The following CYB5RL variants were observed in gnomAD, a reference collection of about 807,000 sequenced individuals.
CYB5RL encodes the protein NADH-cytochrome b5 reductase-like.
Under a neutral mutation model 37.5 loss-of-function variants are expected in CYB5RL, and 38 were observed. That is an observed-to-expected ratio of 1.01 (90% CI 0.78 to 1.33). The LOEUF (loss-of-function observed/expected upper bound fraction) is 1.33, where lower values mean the gene tolerates loss of function less well. Among genes scored for constraint, CYB5RL ranks in the 40% most tolerant of loss-of-function variants. CYB5RL has a pLI of 0.00. For synonymous variants in CYB5RL, 141 were observed against 151.9 expected (o/e 0.93, Z 0.53); for missense variants, 388 against 394.4 (o/e 0.98, Z 0.14).
intron 3 of CYB5RL, among the ~76,000 whole-genome samples, chr1:54,191,510 G>T (rs1643954225): frequency 6.6e-6 from 1 of 152,174 alleles, no homozygotes; most frequent in East Asian, 1.9e-4. Flanking sequence ...TCATGTCTAA[G>T]TCTCAGCCCA....
At chr1:54,197,622 T>C (rs1644020972) in intron 1 of CYB5RL, among the ~76,000 whole-genome samples, 2 of 152,192 alleles carry the variant, frequency 1.3e-5, no homozygotes, top group African/African-American at 2.4e-5. Context: ...TACGTCTACA[T>C]GTAGCATATA....
At chr1:54,181,498 CG>C (rs1557720120) in intron 6 of CYB5RL, among the ~76,000 whole-genome samples, 1 of 152,232 alleles carries the variant, frequency 6.6e-6, no homozygotes, top group Admixed American at 6.5e-5. Flanking sequence ...GTAACGAAGA[CG>C]ACTGCAGAGC....
chr1:54,188,563 G>C (rs1001069829), intron 4 of CYB5RL, among the ~76,000 whole-genome samples: 1 of 152,198 alleles, frequency 6.6e-6, no homozygotes, highest in African/African-American at 2.4e-5. Context: ...ACCACCATGA[G>C]TCACAGTAAT....
intron 6 of CYB5RL, chr1:54,180,278 C>T (rs1265438661): frequency 1.0e-5 from 4 of 390,228 alleles, no homozygotes; most frequent in African/African-American, 4.3e-5. Flanking sequence ...CAGGAGGTCC[C>T]AGTTCCATCA....
Position 54,174,592 on chromosome 1 carries a change from G to T in CYB5RL, c.*27C>A. 1 of 1,586,486 alleles carries T rather than the reference G, an allele frequency of 6.3e-7. No individual in the cohort carries two copies. The highest frequency in any genetic ancestry group is 8.6e-7 in the Non-Finnish European group (1 of 1,167,256). On this transcript the variant is annotated 3_prime_UTR_variant, in exon 8 of 8. Coordinates refer to ENST00000534324, the MANE Select transcript of CYB5RL (RefSeq NM_001031672.4). ...CCTGGGTCCCAGTAGCAGGCTCATG[G>T]CCTAGGCTTTGGAAGAGAGGCCAGG...
rs1659969459 is a variant in CYB5RL, at chr1:54,174,512, G to A, written c.*107C>T. On this transcript the variant is annotated 3_prime_UTR_variant, in exon 8 of 8. Coordinates refer to ENST00000534324, the MANE Select transcript of CYB5RL (RefSeq NM_001031672.4). ...ACTTGCCCAAGGTCACCTGGCAAAT[G>A]AGCAGCAGGACCAGGCCTGGACTCC... is the stretch of plus-strand genomic sequence containing the variant. 4 of 1,341,420 alleles carry A rather than the reference G, an allele frequency of 3.0e-6. No homozygotes were observed. The highest frequency in any genetic ancestry group is 3.1e-6 in the Non-Finnish European group (3 of 965,258). The allele number at this position is 1,341,420 out of a possible 1,614,324, so 83.1% of individuals were successfully genotyped here.
intron 4 of CYB5RL, among the ~76,000 whole-genome samples, chr1:54,189,166 G>GC (rs1643927474): frequency 6.6e-6 from 1 of 151,010 alleles, no homozygotes; most frequent in Admixed American, 6.7e-5. Context: ...CTGGGTGACA[G>GC]AGTGAGACTC....
intron 7 of CYB5RL, 135 bp downstream of exon 7, chr1:54,179,014 G>A (rs1292179238): frequency 2.0e-5 from 20 of 998,702 alleles, no homozygotes; most frequent in Admixed American, 1.3e-4. Context: ...CTTCCATACA[G>A]GTGGGTGCTC....
chr1:54,172,714 C>G lies in CYB5RL; in HGVS notation c.*1905G>C, dbSNP rs984906489. The G allele has an allele frequency of 1.3e-5, 2 of 152,276 alleles. No individual in the cohort carries two copies. The highest frequency in any genetic ancestry group is 2.9e-5 in the Non-Finnish European group (2 of 68,086). 9.4% of individuals were successfully genotyped at this position (152,276 alleles called of 1,614,324 possible). Reference sequence around the variant, plus strand: ...GCATCTGCCTGGTGTGCTGTTGTTTCCCTGGTGTCTGAACAGAGTCAGGCT... The same window carrying G: ...GCATCTGCCTGGTGTGCTGTTGTTTGCCTGGTGTCTGAACAGAGTCAGGCT... On this transcript the variant is annotated 3_prime_UTR_variant, in exon 8 of 8. Transcript: ENST00000534324.
At chr1:54,199,874 G>A (rs1644060170) in intron 1 of CYB5RL, 102 bp downstream of exon 1, 4 of 229,540 alleles carry the variant, frequency 1.7e-5, no homozygotes, top group Non-Finnish European at 3.4e-5. Context: ...GCCTCAGAAA[G>A]GGAAGTGCCT....
intron 6 of CYB5RL, among the ~76,000 whole-genome samples, chr1:54,182,119 C>T (rs1243623465): frequency 1.3e-5 from 2 of 152,234 alleles, no homozygotes; most frequent in Admixed American, 6.5e-5. Flanking sequence ...CCATTCCCTG[C>T]TCTCAAGCAT....
At chr1:54,194,348 C>T (rs1643986056) in intron 3 of CYB5RL, among the ~76,000 whole-genome samples, 1 of 147,986 alleles carries the variant, frequency 6.8e-6, no homozygotes, top group Non-Finnish European at 1.5e-5. Flanking sequence ...CCAGCCTGGG[C>T]AACAAGAGCA....
chr1:54,187,799 G>A (rs1643916096), intron 4 of CYB5RL, 60 bp from the exon 5 acceptor site: 4 of 1,457,136 alleles, frequency 2.7e-6, no homozygotes, highest in Non-Finnish European at 3.9e-6. Flanking sequence ...TTTAAGGCTG[G>A]GCACGGTGGC....
Position 54,171,664 on chromosome 1 carries a change from C to A in CYB5RL, c.*2955G>T, listed in dbSNP as rs1364848138. The A allele has an allele frequency of 5.7e-6, 2 of 348,952 alleles. No individual in the cohort carries two copies. The highest frequency in any genetic ancestry group is 7.4e-5 in the East Asian group (1 of 13,504). The allele number at this position is 348,952 out of a possible 1,614,324, so 21.6% of individuals were successfully genotyped here. On this transcript the variant is annotated 3_prime_UTR_variant, in exon 8 of 8. Coordinates refer to ENST00000534324, the MANE Select transcript of CYB5RL (RefSeq NM_001031672.4). ...CACCTGGTTGACCTCTTGATGCCTG[C>A]GTATCATGTCTAGCTCCTAAGTCTC...
intron 3 of CYB5RL, among the ~76,000 whole-genome samples, chr1:54,195,105 A>C (rs79470361): frequency 0.019 from 2,893 of 152,294 alleles, 103 homozygotes; most frequent in African/African-American, 0.066. Flanking sequence ...ACTATTTCAC[A>C]GGGCCTGGTA....
intron 7 of CYB5RL, among the ~76,000 whole-genome samples, chr1:54,176,139 G>A (rs1027522475): frequency 6.6e-6 from 1 of 152,206 alleles, no homozygotes; most frequent in Non-Finnish European, 1.5e-5. Flanking sequence ...ATTGTGAGGA[G>A]AGTATCCACT....
chr1:54,183,999 A>C, intron 6 of CYB5RL, 162 bp downstream of exon 6: 1 of 440,036 alleles, frequency 2.3e-6, no homozygotes, highest in Non-Finnish European at 4.0e-6. Flanking sequence ...AAATAAATAA[A>C]TAAATAAGTG....
intron 7 of CYB5RL, among the ~76,000 whole-genome samples, chr1:54,176,833 C>G (rs1660030754): frequency 6.6e-6 from 1 of 152,116 alleles, no homozygotes; most frequent in South Asian, 2.1e-4. Flanking sequence ...TGAAGGAGAG[C>G]CAGGGTGGTG....
chr1:54,175,060 A>T (rs1350294763), intron 7 of CYB5RL, among the ~76,000 whole-genome samples: 1 of 151,842 alleles, frequency 6.6e-6, no homozygotes, highest in Non-Finnish European at 1.5e-5. Flanking sequence ...TGTGGCACAC[A>T]ATGAGGCGGG....
Sources: gnomAD v4.1 joint callset for allele counts (sites outside exome capture counted in the v4.1 genomes callset) on GRCh38, gnomAD v4.1.1 for gene constraint, MANE v1.5 for transcripts, NCBI Gene and HGNC (gene_info 2026-07-23, HGNC 2026-07-21) for gene names.